THEMIS: variants seen among roughly 807,000 people sequenced by gnomAD.
THEMIS encodes the protein protein THEMIS.
In THEMIS, 37 loss-of-function variants were observed where a neutral mutation model predicts 52.6. That is an observed-to-expected ratio of 0.70 (90% CI 0.54 to 0.93). THEMIS has a LOEUF of 0.93. Ranked by LOEUF, THEMIS falls within the 40% of genes least tolerant of loss-of-function variation. The pLI is 0.00. For synonymous variants in THEMIS, 292 were observed against 272.7 expected, an observed-to-expected ratio of 1.07 and a Z score of -0.70; for missense variants, 808 against 763.1, an observed-to-expected ratio of 1.06 and a Z score of -0.69.
intron 4 of THEMIS, among the ~76,000 whole-genome samples, chr6:127,753,810 T>C (rs1210676001): frequency 6.6e-6 from 1 of 152,042 alleles, no homozygotes; most frequent in Non-Finnish European, 1.5e-5. Context: ...AGTTATGTTC[T>C]GAAGGTCTAC....
At chr6:127,811,979 C>A (rs1039815744) in intron 4 of THEMIS, among the ~76,000 whole-genome samples, 1 of 152,134 alleles carries the variant, frequency 6.6e-6, no homozygotes, top group Non-Finnish European at 1.5e-5. Context: ...TATCCATATA[C>A]TTGAAGCCTA....
chr6:127,746,969 A>T (rs1478142952), intron 4 of THEMIS, among the ~76,000 whole-genome samples: 30 of 84,744 alleles, frequency 3.5e-4, no homozygotes, highest in African/African-American at 1.5e-3. Flanking sequence ...GATATCTATA[A>T]TTATATTATA....
intron 4 of THEMIS, among the ~76,000 whole-genome samples, chr6:127,760,005 A>G (rs996317453): frequency 1.3e-5 from 2 of 151,918 alleles, no homozygotes; most frequent in Non-Finnish European, 2.9e-5. Context: ...TGATTTTTAC[A>G]GTGTCAAGTC....
chr6:127,703,051 T>TTTTTTTC, the THEMIS span, among the ~76,000 whole-genome samples: 1 of 118,818 alleles, frequency 8.4e-6, no homozygotes, highest in Admixed American at 8.0e-5. Flanking sequence ...TTTTTTTTTT[T>TTTTTTTC]TTTTTTTTTT....
At chr6:127,706,246 T>C (rs1375258112), downstream of THEMIS, among the ~76,000 whole-genome samples, 1 of 152,012 alleles carries the variant, frequency 6.6e-6, no homozygotes, top group Non-Finnish European at 1.5e-5. Flanking sequence ...CATAAATGCA[T>C]TGAGGACTTA....
chr6:127,807,257 A>T, intron 4 of THEMIS: 1 of 206,040 alleles, frequency 4.9e-6, no homozygotes, highest in Non-Finnish European at 1.0e-5. Flanking sequence ...GCTACGTGGG[A>T]GGCTGAGGCA....
chr6:127,855,162 C>T lies in THEMIS; in HGVS notation c.118G>A (p.Glu40Lys). Residue 40 changes from glutamate (E) to lysine (K), a missense_variant, in exon 2 of 6, where the codon GAA (glutamate) becomes AAA (lysine). Physicochemically the swap from Glu to Lys is moderately conservative, Grantham distance 56. Coordinates refer to ENST00000368248, the MANE Select transcript of THEMIS (RefSeq NM_001010923.3). ...EGSIYEMFGN[E>K]CCFSTGEVIK... ...ACTTCTCCTGTTGAAAAACAGCATT[C>T]ATTTCCAAACATTTCATAAATAGAG... The T allele has an allele frequency of 6.2e-7, 1 of 1,600,796 alleles. No homozygotes were observed. Among genetic ancestry groups the T allele is most frequent in the South Asian group, 1.1e-5 (1 of 88,644 alleles).
At chr6:127,864,628 C>T (rs563031573) in intron 1 of THEMIS, among the ~76,000 whole-genome samples, 15 of 152,164 alleles carry the variant, frequency 9.9e-5, no homozygotes, top group East Asian at 1.9e-4. Flanking sequence ...ATTCAGGAAG[C>T]GGTCACTGTA....
intron 3 of THEMIS, among the ~76,000 whole-genome samples, chr6:127,827,382 A>G (rs558713677): frequency 6.6e-6 from 1 of 152,216 alleles, no homozygotes. Flanking sequence ...AAATTGCTAT[A>G]CAATAAGAAC....
intron 1 of THEMIS, among the ~76,000 whole-genome samples, chr6:127,908,138 T>G (rs1184109258): frequency 6.6e-6 from 1 of 152,142 alleles, no homozygotes; most frequent in African/African-American, 2.4e-5. Context: ...GTAGGATTCA[T>G]GTTTCTTCCC....
intron 1 of THEMIS, among the ~76,000 whole-genome samples, chr6:127,865,725 C>T (rs186212758): frequency 3.3e-4 from 50 of 152,176 alleles, no homozygotes; most frequent in African/African-American, 1.2e-3. Flanking sequence ...GATACACTAA[C>T]ATTATATGTT....
chr6:127,897,656 T>C (rs1226502527), intron 1 of THEMIS, among the ~76,000 whole-genome samples: 1 of 151,588 alleles, frequency 6.6e-6, no homozygotes, highest in Non-Finnish European at 1.5e-5. Flanking sequence ...TTACTAAGCA[T>C]ATGAGTTAAT....
chr6:127,870,406 A>G (rs1016968975), intron 1 of THEMIS, among the ~76,000 whole-genome samples: 4 of 152,190 alleles, frequency 2.6e-5, no homozygotes, highest in Non-Finnish European at 4.4e-5. Flanking sequence ...CAATAATGAG[A>G]CACTGCTTCC....
intron 4 of THEMIS, among the ~76,000 whole-genome samples, chr6:127,732,235 G>T (rs1255880829): frequency 6.6e-6 from 1 of 151,840 alleles, no homozygotes. Context: ...ATGAGTGTTT[G>T]TAAATTTTCA....
chr6:127,699,850 A>G, the THEMIS span, among the ~76,000 whole-genome samples: 1 of 151,936 alleles, frequency 6.6e-6, no homozygotes, highest in Admixed American at 6.6e-5. Context: ...TGTAAAATCT[A>G]AAAATTTTAG....
At chr6:127,875,022 T>A (rs1258751413) in intron 1 of THEMIS, among the ~76,000 whole-genome samples, 1 of 152,220 alleles carries the variant, frequency 6.6e-6, no homozygotes, top group Non-Finnish European at 1.5e-5. Flanking sequence ...GAACTGTGCA[T>A]GCATGCAGGG....
At chr6:127,869,513 C>G (rs1562311814) in intron 1 of THEMIS, among the ~76,000 whole-genome samples, 1 of 152,192 alleles carries the variant, frequency 6.6e-6, no homozygotes, top group Non-Finnish European at 1.5e-5. Flanking sequence ...TAAATGCATT[C>G]TGCTTTTGCA....
At chr6:127,766,442 C>T (rs1776202253) in intron 4 of THEMIS, among the ~76,000 whole-genome samples, 4 of 152,062 alleles carry the variant, frequency 2.6e-5, no homozygotes, top group African/African-American at 9.7e-5. Context: ...CAGAGTTAGC[C>T]TCCTTTGTAT....
chr6:127,738,729 C>G (rs1034242570), intron 4 of THEMIS, among the ~76,000 whole-genome samples: 5 of 152,000 alleles, frequency 3.3e-5, no homozygotes, highest in South Asian at 4.2e-4. Context: ...TCCGTTTAGC[C>G]CTTGAGACAT....
Sources: allele counts gnomAD v4.1 joint callset (sites outside exome capture counted in the v4.1 genomes callset), GRCh38; gene constraint gnomAD v4.1.1; transcripts MANE v1.5; gene names NCBI Gene and HGNC (gene_info 2026-07-23, HGNC 2026-07-21).